Variants in FAM20A observed in about 807,000 individuals in gnomAD.
FAM20A encodes the protein pseudokinase FAM20A.
A neutral mutation model predicts 52.0 loss-of-function variants in FAM20A; 42 were observed. That is an observed-to-expected ratio of 0.81 (90% CI 0.63 to 1.04). The LOEUF is 1.04. FAM20A is among the 50% of genes least tolerant of loss of function. The pLI is 0.00. For synonymous variants in FAM20A, 304 were observed against 298.9 expected (o/e 1.02, Z -0.18); for missense variants, 742 against 712.7 (o/e 1.04, Z -0.47).
intron 4 of FAM20A, among the ~76,000 whole-genome samples, chr17:68,544,954 A>G (rs2143547673): frequency 6.6e-6 from 1 of 152,354 alleles, no homozygotes. Context: ...TCATACTTTG[A>G]GAAGCACTAA....
At chr17:68,599,012 A>T (rs984869174) in intron 1 of FAM20A, among the ~76,000 whole-genome samples, 6 of 151,660 alleles carry the variant, frequency 4.0e-5, no homozygotes, top group African/African-American at 1.5e-4. Context: ...ATTGAGAATC[A>T]CTTTCTTTCT....
rs1033340702 is a variant in FAM20A at position 68,542,164 on chromosome 17, C to T, written c.930G>A (p.Ala310=). 5.0e-6 allele frequency: 8 copies of T among 1,613,656 alleles called. No homozygotes were observed. In the African/African-American group the frequency reaches 5.3e-5, roughly 11 times the overall value. ...ILQSVFFVSP[A]SNVCFFAKCP... is the part of the protein sequence containing the mutation. ...ACTTGGCGAAGAAGCACACGTTGCT[C>T]GCTGGAGGATGGGGAGGAGAGAGGA... Residue 310 remains alanine (A), a splice_region_variant and synonymous_variant, in exon 7 of 11, where the codon GCG becomes GCA. Transcript: ENST00000592554.
chr17:68,584,225 G>A (rs2088099055), intron 1 of FAM20A, among the ~76,000 whole-genome samples: 1 of 152,128 alleles, frequency 6.6e-6, no homozygotes, highest in African/African-American at 2.4e-5. Flanking sequence ...GCTGAGGCAG[G>A]AGAATCACTT....
At chr17:68,566,940 T>C (rs2087392129) in intron 1 of FAM20A, among the ~76,000 whole-genome samples, 1 of 152,252 alleles carries the variant, frequency 6.6e-6, no homozygotes, top group Non-Finnish European at 1.5e-5. Flanking sequence ...ACTTAGTCCG[T>C]GTCTCCTTTT....
At chr17:68,555,777 C>A (rs752646354) in intron 1 of FAM20A, 34 bp from the exon 2 acceptor site, 4 of 1,612,496 alleles carry the variant, frequency 2.5e-6, no homozygotes, top group Non-Finnish European at 3.4e-6. Context: ...ATTAGAGGAA[C>A]AAGAATGCAA....
rs189123061 is a variant in FAM20A, at chr17:68,539,134, G to C, written c.1361+203C>G. Among the ~76,000 whole-genome samples the C allele has an allele frequency of 5.3e-5, 8 of 152,268 alleles. No individual in the cohort carries two copies. In the East Asian group the frequency reaches 1.5e-3, roughly 29 times the overall value. ...AAAAATACCATATTATTAATCTTAT[G>C]AGACCACCGTCATATATGCAGTCTG... On this transcript the variant is annotated intron_variant, in intron 10 of 10. Transcript: ENST00000592554.
chr17:68,568,983 G>A (rs984559742), intron 1 of FAM20A, among the ~76,000 whole-genome samples: 2 of 151,820 alleles, frequency 1.3e-5, no homozygotes, highest in African/African-American at 4.9e-5. Context: ...GGTGAGGTAA[G>A]TGTCTTAGCC....
At position 68,600,536 on chromosome 17, in the gene FAM20A, C is replaced by T; in HGVS notation, c.131G>A (p.Cys44Tyr). ...GGAGGAGGCGCGGCCGGTGCACGGG[C>T]ACCCCCGCGGGCGCTCCCGAGGCCG... ...QLRPRERPRG[C>Y]PCTGRASSLA... The change falls in exon 1 of 11, where the codon TGC (cysteine) becomes TAC (tyrosine). Residue 44 changes from cysteine to tyrosine, a missense_variant. Cys to Tyr is a radical substitution (Grantham distance 194). Coordinates refer to ENST00000592554, the MANE Select transcript of FAM20A (RefSeq NM_017565.4). The surrounding 1 kb of genome is among the most constrained non-coding windows in gnomAD (Gnocchi z 6.2). 1 of 1,562,598 alleles carries T rather than the reference C, an allele frequency of 6.4e-7. No individual in the cohort carries two copies. The highest frequency in any genetic ancestry group is 8.7e-7 in the Non-Finnish European group (1 of 1,154,266).
intron 1 of FAM20A, among the ~76,000 whole-genome samples, chr17:68,559,206 A>C (rs1039059568): frequency 6.6e-6 from 1 of 152,256 alleles, no homozygotes; most frequent in Non-Finnish European, 1.5e-5. Context: ...GTTCACAGAA[A>C]GGCTCAAAAG....
At chr17:68,591,568 T>G (rs192610609) in intron 1 of FAM20A, among the ~76,000 whole-genome samples, 1 of 152,326 alleles carries the variant, frequency 6.6e-6, no homozygotes, top group African/African-American at 2.4e-5. Context: ...ATATAATGAC[T>G]TATTTGCTAG....
chr17:68,594,914 G>T (rs2088413003), intron 1 of FAM20A, among the ~76,000 whole-genome samples: 8 of 152,204 alleles, frequency 5.3e-5, no homozygotes. Context: ...CTGGTACGGG[G>T]CCTTAATTAC....
chr17:68,559,224 C>T (rs983964368), intron 1 of FAM20A, among the ~76,000 whole-genome samples: 1 of 152,198 alleles, frequency 6.6e-6, no homozygotes, highest in Non-Finnish European at 1.5e-5. Flanking sequence ...AAGCTAAATG[C>T]TCTTATTTTA....
Position 68,569,465 on chromosome 17 carries a change from C to G in FAM20A, c.405-13722G>C, listed in dbSNP as rs80097837. 4.0e-3 allele frequency among the ~76,000 whole-genome samples: 612 copies of G among 152,350 alleles called. 4 individuals are homozygous for G. Among genetic ancestry groups the G allele is most frequent in the African/African-American group, 0.014 (588 of 41,578 alleles). ...AAATCTAAACCTTTAGCTTCCTGCT[C>G]AGAAGCACTCAATGTCTCTTTATTG... On this transcript the variant is annotated intron_variant, in intron 1 of 10. Transcript: ENST00000592554.
intron 1 of FAM20A, among the ~76,000 whole-genome samples, chr17:68,581,406 CTTTCTTTCTTT>C (rs1029550155): frequency 1.4e-5 from 2 of 141,764 alleles, no homozygotes; most frequent in Admixed American, 7.1e-5. Flanking sequence ...TTCTTTCTTT[CTTTCTTTCTTT>C]TTCTCTTTTC....
intron 1 of FAM20A, among the ~76,000 whole-genome samples, chr17:68,598,826 A>C (rs62087515): frequency 0.16 from 24,286 of 152,200 alleles, 2,184 homozygotes; most frequent in East Asian, 0.28. Context: ...CTTTGTCCAA[A>C]GTCTCTCATT....
At position 68,551,143 on chromosome 17, in the gene FAM20A, T is replaced by C. The variant is rs1047724223; in HGVS notation, c.719+730A>G. 6.5e-6 allele frequency: 8 copies of C among 1,232,700 alleles called. No homozygotes were observed. The Admixed American group carries it at 2.5e-4, about 39-fold the overall frequency. 76.4% of individuals were successfully genotyped at this position (1,232,700 alleles called of 1,614,324 possible). The stretch of plus-strand genomic sequence containing the variant: ...GGGCTAAGGCACTGGGGCCGAACTC[T>C]AGGAGACCCTAACCTGTGGGCTGCA... On this transcript the variant is annotated intron_variant, in intron 4 of 10. Transcript: ENST00000592554.
chr17:68,600,456 AGTT>A lies in FAM20A; in HGVS notation c.208_210del (p.Asn70del), dbSNP rs767790452. The A allele has an allele frequency of 1.9e-6, 3 of 1,610,410 alleles. No homozygotes were observed. The highest frequency in any genetic ancestry group is 1.3e-5 in the African/African-American group (1 of 74,786). On this transcript the variant is annotated inframe_deletion, in exon 1 of 11. Coordinates refer to ENST00000592554, the MANE Select transcript of FAM20A (RefSeq NM_017565.4). The surrounding 1 kb of genome is among the most constrained non-coding windows in gnomAD (Gnocchi z 6.2). ...TCAGTCCGGGGCTCGGTTCGGGAAA[AGTT>A]GTGCACGATCGTGCCGGGGTCCGAG...
intron 2 of FAM20A, 81 bp downstream of exon 2, chr17:68,555,478 T>C: frequency 6.6e-7 from 1 of 1,507,604 alleles, no homozygotes; most frequent in South Asian, 1.1e-5. Context: ...AATGTTCCAC[T>C]CTGGAGCCTA....
intron 1 of FAM20A, among the ~76,000 whole-genome samples, chr17:68,560,127 G>T (rs1445299089): frequency 1.3e-5 from 2 of 152,084 alleles, no homozygotes; most frequent in South Asian, 2.1e-4. Flanking sequence ...GTAGAGATGG[G>T]TTTCACCATG....
Sources: gnomAD v4.1 joint callset for allele counts (sites outside exome capture counted in the v4.1 genomes callset) on GRCh38, gnomAD v4.1.1 for gene constraint, Gnocchi (gnomAD v3.1) non-coding constraint, MANE v1.5 for transcripts, NCBI Gene and HGNC (gene_info 2026-07-23, HGNC 2026-07-21) for gene names.